The following FAT3 variants were observed in gnomAD, a reference collection of about 807,000 sequenced individuals.
FAT3 encodes FAT atypical cadherin 3.
A neutral mutation model predicts 310.2 loss-of-function variants in FAT3; 95 were observed. That is an observed-to-expected ratio of 0.31 (90% CI 0.26 to 0.36). The LOEUF is 0.36. Ranked by LOEUF, FAT3 falls within the 10% of genes least tolerant of loss-of-function variation. FAT3 has a pLI of 1.00. For missense variants in FAT3, 5,408 were observed against 5,715.6 expected, an observed-to-expected ratio of 0.95 and a Z score of 1.74; for synonymous variants, 2,314 against 2,192.9, an observed-to-expected ratio of 1.06 and a Z score of -1.54.
Position 92,891,354 on chromosome 11 carries a change from GTTCACAGCTAAAAATGCAA to G in FAT3, c.*242_*260del. ...GGTAATCCTTGATGTAGGTACCTAT[GTTCACAGCTAAAAATGCAA>G]AGAGGGAAAAATTATTTCACCCACT... On this transcript the variant is annotated 3_prime_UTR_variant, in exon 28 of 28. Coordinates refer to ENST00000525166, the MANE Select transcript of FAT3 (RefSeq NM_001367949.2). 1 of 559,406 alleles carries G rather than the reference GTTCACAGCTAAAAATGCAA, an allele frequency of 1.8e-6. No homozygotes were observed. Among genetic ancestry groups the G allele is most frequent in the Non-Finnish European group, 3.1e-6 (1 of 318,028 alleles). The allele number at this position is 559,406 out of a possible 1,614,324, so 34.7% of individuals were successfully genotyped here. A position where few individuals can be genotyped will look rare whatever the true frequency, so the allele number is the denominator to read the frequency against.
intron 18 of FAT3, among the ~76,000 whole-genome samples, chr11:92,841,106 A>G (rs1308047846): frequency 6.6e-6 from 1 of 152,142 alleles, no homozygotes; most frequent in Non-Finnish European, 1.5e-5. Flanking sequence ...CCCTGTCATA[A>G]GGGGACTTAG....
chr11:92,638,190 T>A (rs1941836031), intron 3 of FAT3, among the ~76,000 whole-genome samples: 2 of 152,186 alleles, frequency 1.3e-5, no homozygotes, highest in Non-Finnish European at 2.9e-5. Context: ...ACCATTTGCA[T>A]ATTAAATTTA....
intron 1 of FAT3, among the ~76,000 whole-genome samples, chr11:92,347,464 G>A (rs1295390698): frequency 6.6e-6 from 1 of 152,212 alleles, no homozygotes; most frequent in Admixed American, 6.5e-5. Flanking sequence ...CTTTGGTAGT[G>A]TTCAGAAGTC....
chr11:92,688,074 C>T (rs1200587343), intron 3 of FAT3, among the ~76,000 whole-genome samples: 3 of 151,776 alleles, frequency 2.0e-5, no homozygotes, highest in Non-Finnish European at 4.4e-5. Context: ...GATGATGGTG[C>T]ACCGGTAGTC....
intron 2 of FAT3, among the ~76,000 whole-genome samples, chr11:92,448,846 C>T (rs1245686923): frequency 6.6e-6 from 1 of 152,124 alleles, no homozygotes; most frequent in Non-Finnish European, 1.5e-5. Flanking sequence ...TCTCTGAATT[C>T]TGCTGTTTGG....
intron 3 of FAT3, among the ~76,000 whole-genome samples, chr11:92,563,151 A>C (rs1254217446): frequency 6.6e-6 from 1 of 152,220 alleles, no homozygotes; most frequent in Non-Finnish European, 1.5e-5. Context: ...CTCCTCTTCC[A>C]AGTCCAGTAT....
chr11:92,391,045 C>A lies in FAT3; in HGVS notation c.3292+35641C>A, dbSNP rs375569549. ...TGATAAAATTCTCTACTGAGCATTT[C>A]TCATAGTACCCACTTAATTTTTAAA... On this transcript the variant is annotated intron_variant, in intron 2 of 27. Coordinates refer to ENST00000525166, the MANE Select transcript of FAT3 (RefSeq NM_001367949.2). 1.7e-4 allele frequency among the ~76,000 whole-genome samples: 26 copies of A among 152,276 alleles called. 1 individual carries two copies. In the East Asian group the frequency reaches 1.7e-3, roughly 10 times the overall value.
At chr11:92,742,476 T>C (rs1409892746) in intron 4 of FAT3, among the ~76,000 whole-genome samples, 1 of 152,146 alleles carries the variant, frequency 6.6e-6, no homozygotes. Flanking sequence ...CCTAGTGCTG[T>C]GGTTTGGATG....
intron 7 of FAT3, among the ~76,000 whole-genome samples, chr11:92,789,424 G>T (rs529698803): frequency 6.6e-6 from 1 of 152,100 alleles, no homozygotes; most frequent in African/African-American, 2.4e-5. Context: ...TTAGCGCCAC[G>T]TTCTTTGCTG....
At position 92,798,765 on chromosome 11, in the gene FAT3, C is replaced by G. The variant is rs1316245098; in HGVS notation, c.5752C>G (p.Leu1918Val). The change falls in exon 10 of 28, where the codon CTG becomes GTG. Residue 1918 changes from leucine (L) to valine (V), a missense_variant. By Grantham distance (32) the Leu-to-Val change is conservative (BLOSUM62 1). Coordinates refer to ENST00000525166, the MANE Select transcript of FAT3 (RefSeq NM_001367949.2). ...TCCTGACTCTGAGGTACCCCCTGAA[C>G]TGACATACAGCCTAATGGAAGGCAG... ...TDPDSEVPPE[L>V]TYSLMEGSLD... is the part of the protein sequence containing the mutation. 6.2e-7 allele frequency: 1 copy of G among 1,613,850 alleles called. No homozygotes were observed. The highest frequency in any genetic ancestry group is 8.5e-7 in the Non-Finnish European group (1 of 1,179,842).
chr11:92,321,985 G>A (rs910392106), intron 1 of FAT3, among the ~76,000 whole-genome samples: 1 of 152,146 alleles, frequency 6.6e-6, no homozygotes, highest in Non-Finnish European at 1.5e-5. Context: ...GTGTATGAAA[G>A]GGCTTTGAAA....
intron 13 of FAT3, among the ~76,000 whole-genome samples, chr11:92,820,415 A>G (rs1382118612): frequency 6.6e-6 from 1 of 152,112 alleles, no homozygotes; most frequent in East Asian, 1.9e-4. Context: ...TGCCTCCTAA[A>G]AGCCTTATCT....
intron 3 of FAT3, among the ~76,000 whole-genome samples, chr11:92,599,747 T>C (rs918216160): frequency 3.3e-5 from 5 of 152,242 alleles, no homozygotes; most frequent in Non-Finnish European, 7.3e-5. Flanking sequence ...GAATATCTTA[T>C]TTACTTGACC....
intron 3 of FAT3, among the ~76,000 whole-genome samples, chr11:92,585,554 C>T (rs1267583026): frequency 6.6e-6 from 1 of 151,918 alleles, no homozygotes; most frequent in African/African-American, 2.4e-5. Flanking sequence ...TACAAAGCAC[C>T]GGTGCAGCTC....
intron 4 of FAT3, among the ~76,000 whole-genome samples, chr11:92,710,197 C>A (rs1211704333): frequency 6.6e-6 from 1 of 152,190 alleles, no homozygotes; most frequent in Non-Finnish European, 1.5e-5. Flanking sequence ...AACTAAGCAA[C>A]CAGTACTACA....
chr11:92,365,464 C>A (rs1198871649), intron 2 of FAT3, among the ~76,000 whole-genome samples: 10 of 152,116 alleles, frequency 6.6e-5, no homozygotes, highest in Non-Finnish European at 1.5e-4. Context: ...TTCCTCCTTC[C>A]TTTTTCCTTT....
At position 92,806,463 on chromosome 11, in the gene FAT3, A is replaced by C. The variant is rs748270971; in HGVS notation, c.9195A>C (p.Arg3065=). 1.9e-6 allele frequency: 3 copies of C among 1,575,520 alleles called. No individual in the cohort carries two copies. In the East Asian group the frequency reaches 6.8e-5, roughly 36 times the overall value. ...DADIGSNGYI[R]YSLYGSGNSE... ...ATATTGGATCCAATGGATATATACG[A>C]TACTCACTCTATGGATCTGGAAACA... Residue 3065 remains arginine, a synonymous_variant, in exon 12 of 28, where the codon CGA becomes CGC. Transcript: ENST00000525166.
chr11:92,814,656 C>T (rs537538322), intron 13 of FAT3, among the ~76,000 whole-genome samples: 1 of 152,100 alleles, frequency 6.6e-6, no homozygotes, highest in Non-Finnish European at 1.5e-5. Flanking sequence ...ACACACATAC[C>T]GTTAATAACA....
At chr11:92,777,449 G>A (rs922015274) in intron 7 of FAT3, among the ~76,000 whole-genome samples, 6 of 152,088 alleles carry the variant, frequency 3.9e-5, no homozygotes, top group Non-Finnish European at 8.8e-5. Context: ...TCCTTAGGGT[G>A]AGCACAAAAC....
Sources: gnomAD v4.1 joint callset for allele counts (sites outside exome capture counted in the v4.1 genomes callset) on GRCh38, gnomAD v4.1.1 for gene constraint, MANE v1.5 for transcripts, NCBI Gene and HGNC (gene_info 2026-07-23, HGNC 2026-07-21) for gene names.